BSPRY: variants seen among roughly 807,000 people sequenced by gnomAD.
BSPRY encodes the protein B box and SPRY domain-containing protein.
Under a neutral mutation model 38.0 loss-of-function variants are expected in BSPRY, and 33 were observed. That is an observed-to-expected ratio of 0.87 (90% CI 0.66 to 1.16). The LOEUF (loss-of-function observed/expected upper bound fraction) is 1.16, where lower values mean the gene tolerates loss of function less well. Among genes scored for constraint, BSPRY ranks in the 50% most tolerant of loss-of-function variants. The pLI, the probability that BSPRY is intolerant of heterozygous loss-of-function variation, is 0.00. For missense variants in BSPRY, 523 were observed against 533.2 expected, an observed-to-expected ratio of 0.98 and a Z score of 0.19; for synonymous variants, 224 against 228.5, an observed-to-expected ratio of 0.98 and a Z score of 0.18.
chr9:113,364,873 A>G (rs757177658), intron 4 of BSPRY, among the ~76,000 whole-genome samples: 4 of 152,144 alleles, frequency 2.6e-5, no homozygotes, highest in Non-Finnish European at 5.9e-5. Context: ...CAATTGTGCA[A>G]AAGTTCTTAA....
chr9:113,369,837 G>A lies in BSPRY; in HGVS notation c.904G>A (p.Val302Met), dbSNP rs756835090. ...GAACAGTTGTGCCTATAAGGTGGGC[G>A]TGGCTTCAGGCCACCTGCCCCGCAA... ...VQNSCAYKVG[V>M]ASGHLPRKGS... Residue 302 changes from valine to methionine, a missense_variant, in exon 6 of 6, where the codon GTG becomes ATG. Transcript: ENST00000374183. 3.1e-6 allele frequency: 5 copies of A among 1,614,236 alleles called. No individual in the cohort carries two copies. Among genetic ancestry groups the A allele is most frequent in the South Asian group, 2.2e-5 (2 of 91,084 alleles).
chr9:113,369,188 C>A (rs968806681), intron 5 of BSPRY, among the ~76,000 whole-genome samples: 1 of 152,088 alleles, frequency 6.6e-6, no homozygotes, highest in Non-Finnish European at 1.5e-5. Flanking sequence ...AATCTGGAGG[C>A]CACAGATATG....
intron 4 of BSPRY, among the ~76,000 whole-genome samples, chr9:113,366,443 G>A (rs754546139): frequency 3.3e-5 from 5 of 152,174 alleles, no homozygotes; most frequent in African/African-American, 7.2e-5. Context: ...GTGTTTCCAC[G>A]CTTGTAGCTG....
At chr9:113,356,558 G>A (rs1834062766) in intron 2 of BSPRY, among the ~76,000 whole-genome samples, 1 of 152,088 alleles carries the variant, frequency 6.6e-6, no homozygotes, top group Non-Finnish European at 1.5e-5. Flanking sequence ...ATTATAGGCG[G>A]CAAAGGTTAA....
chr9:113,349,602 CG>C lies in BSPRY; in HGVS notation c.27del (p.Pro10ArgfsTer20), dbSNP rs1414207383. On this transcript the variant is annotated frameshift_variant, in exon 1 of 6. Transcript: ENST00000374183. LOFTEE classifies it high-confidence loss of function. ...GCCATGTCCGCCGAGGGCGCGGAGC[CG>C]GGGCCGGGGTCCGGGTCCGGGCCCG... MSAEGAE[P>X]GPGSGSGPGP... is the part of the protein sequence containing the mutation. 2 of 1,185,696 alleles carry C rather than the reference CG, an allele frequency of 1.7e-6. No homozygotes were observed. Among genetic ancestry groups the C allele is most frequent in the Non-Finnish European group, 2.1e-6 (2 of 958,828 alleles). 73.4% of individuals were successfully genotyped at this position (1,185,696 alleles called of 1,614,324 possible). A position where few individuals can be genotyped will look rare whatever the true frequency, so the allele number is the denominator to read the frequency against.
At chr9:113,363,663 T>C (rs2118923754) in intron 4 of BSPRY, among the ~76,000 whole-genome samples, 1 of 151,848 alleles carries the variant, frequency 6.6e-6, no homozygotes, top group South Asian at 2.1e-4. Flanking sequence ...GGTGGATCAC[T>C]TGAGGTCAGG....
intron 1 of BSPRY, among the ~76,000 whole-genome samples, chr9:113,350,683 G>A (rs979493498): frequency 6.6e-6 from 1 of 152,104 alleles, no homozygotes; most frequent in African/African-American, 2.4e-5. Flanking sequence ...TGGGGACTTC[G>A]CCTACCCAGA....
intron 5 of BSPRY, among the ~76,000 whole-genome samples, chr9:113,369,072 T>G (rs568650222): frequency 8.5e-5 from 13 of 152,158 alleles, no homozygotes; most frequent in Non-Finnish European, 1.5e-4. Context: ...CTACTCTAGA[T>G]TCTGGTATCA....
intron 3 of BSPRY, 56 bp downstream of exon 3, chr9:113,360,793 A>G: frequency 7.3e-7 from 1 of 1,373,056 alleles, no homozygotes; most frequent in South Asian, 1.3e-5. Context: ...CAAAAGCCTG[A>G]AAATATCGAG....
chr9:113,351,731 T>A (rs1833975142), intron 1 of BSPRY, among the ~76,000 whole-genome samples: 1 of 152,140 alleles, frequency 6.6e-6, no homozygotes, highest in African/African-American at 2.4e-5. Context: ...CATACCTTCT[T>A]GGGGAAGTCA....
chr9:113,354,562 A>G (rs1340192682), intron 2 of BSPRY, among the ~76,000 whole-genome samples: 4 of 152,186 alleles, frequency 2.6e-5, no homozygotes, highest in Non-Finnish European at 5.9e-5. Context: ...TTTCTTGGGT[A>G]TCTTGGCATA....
At chr9:113,357,011 A>C (rs2118911421) in intron 2 of BSPRY, among the ~76,000 whole-genome samples, 1 of 152,280 alleles carries the variant, frequency 6.6e-6, no homozygotes, top group Middle Eastern at 3.4e-3. Context: ...TCAGTGTATA[A>C]ATAGTATTGA....
chr9:113,349,900 A>G, intron 1 of BSPRY, 120 bp downstream of exon 1: 1 of 1,170,626 alleles, frequency 8.5e-7, no homozygotes, highest in Non-Finnish European at 1.1e-6. Flanking sequence ...CCCGGAGCCT[A>G]GGCTCCTCGG....
chr9:113,356,074 C>T (rs1389341307), intron 2 of BSPRY, among the ~76,000 whole-genome samples: 3 of 152,202 alleles, frequency 2.0e-5, no homozygotes, highest in African/African-American at 7.2e-5. Flanking sequence ...ATGAAGCCTA[C>T]ATTCTTGTCA....
chr9:113,365,733 A>AAGAGAGAGAGAGAG (rs750918178), intron 4 of BSPRY, among the ~76,000 whole-genome samples: 2 of 137,734 alleles, frequency 1.5e-5, no homozygotes, highest in South Asian at 2.6e-4. Context: ...GAGAAAGAGA[A>AAGAGAGAGAGAGAG]AGAGAGAGAG....
At chr9:113,351,204 AC>A (rs929930498) in intron 1 of BSPRY, among the ~76,000 whole-genome samples, 12 of 151,924 alleles carry the variant, frequency 7.9e-5, no homozygotes, top group African/African-American at 2.9e-4. Flanking sequence ...TTTCGGTACT[AC>A]CCTAGGGAAC....
At chr9:113,355,157 T>A (rs1834037382) in intron 2 of BSPRY, among the ~76,000 whole-genome samples, 1 of 152,202 alleles carries the variant, frequency 6.6e-6, no homozygotes, top group South Asian at 2.1e-4. Context: ...ATGCCTGGCC[T>A]CCACTGCAGA....
Position 113,363,608 on chromosome 9 carries a change from C to T in BSPRY, c.557+1214C>T, listed in dbSNP as rs118066331. Among the ~76,000 whole-genome samples, 982 of 151,248 alleles carry T rather than the reference C, an allele frequency of 6.5e-3. 66 individuals are homozygous for T. In the East Asian group the frequency reaches 0.17, roughly 26 times the overall value. On this transcript the variant is annotated intron_variant, in intron 4 of 5. Coordinates refer to ENST00000374183, the MANE Select transcript of BSPRY (RefSeq NM_017688.3). ...TTGTCTTAAAAATGTTTTTTAGGCC[C>T]GGTGGCTCATGCCTATAATCCCAGC...
chr9:113,356,430 G>A (rs1214203985), intron 2 of BSPRY, among the ~76,000 whole-genome samples: 9 of 152,086 alleles, frequency 5.9e-5, no homozygotes, highest in Admixed American at 3.3e-4. Context: ...ACTTGAACCC[G>A]GGAGGCGGAG....
Sources: allele counts gnomAD v4.1 joint callset (sites outside exome capture counted in the v4.1 genomes callset), GRCh38; gene constraint gnomAD v4.1.1; transcripts MANE v1.5; gene names NCBI Gene and HGNC (gene_info 2026-07-23, HGNC 2026-07-21).